ATRNL1: variants seen among roughly 807,000 people sequenced by gnomAD.
ATRNL1 encodes attractin like 1.
A neutral mutation model predicts 182.7 loss-of-function variants in ATRNL1; 95 were observed. That is an observed-to-expected ratio of 0.52 (90% CI 0.44 to 0.62). The LOEUF is 0.62. Among genes scored for constraint, ATRNL1 ranks in the 20% least tolerant of loss-of-function variants. ATRNL1 has a pLI of 0.00. For missense variants in ATRNL1, 1,471 were observed against 1,679.5 expected (o/e 0.88, Z 2.17); for synonymous variants, 576 against 568.3 (o/e 1.01, Z -0.19).
At chr10:115,530,272 T>A (rs1297265155) in intron 25 of ATRNL1, among the ~76,000 whole-genome samples, 1 of 152,160 alleles carries the variant, frequency 6.6e-6, no homozygotes, top group African/African-American at 2.4e-5. Flanking sequence ...ATGGTAACTC[T>A]AGGTTAAACA....
At chr10:115,485,087 A>G (rs1848957306) in intron 24 of ATRNL1, among the ~76,000 whole-genome samples, 1 of 151,844 alleles carries the variant, frequency 6.6e-6, no homozygotes, top group African/African-American at 2.4e-5. Context: ...AATAAGTGAT[A>G]TTGATAACTT....
intron 26 of ATRNL1, among the ~76,000 whole-genome samples, chr10:115,659,924 C>T (rs1339884820): frequency 1.3e-5 from 2 of 152,120 alleles, no homozygotes; most frequent in Admixed American, 6.6e-5. Flanking sequence ...AGAGATCGTT[C>T]TGGAGAATAT....
At chr10:115,357,395 C>T (rs1489292832) in intron 19 of ATRNL1, among the ~76,000 whole-genome samples, 1 of 151,862 alleles carries the variant, frequency 6.6e-6, no homozygotes, top group Non-Finnish European at 1.5e-5. Context: ...AATTTGGACA[C>T]ACACTTTTGC....
intron 22 of ATRNL1, among the ~76,000 whole-genome samples, chr10:115,464,371 A>G (rs1269402940): frequency 5.3e-5 from 8 of 151,926 alleles, no homozygotes; most frequent in Non-Finnish European, 1.0e-4. Flanking sequence ...GCTATCCATC[A>G]CTTCTAGCCA....
intron 19 of ATRNL1, among the ~76,000 whole-genome samples, chr10:115,386,919 G>GT (rs1858391688): frequency 6.7e-6 from 1 of 148,528 alleles, no homozygotes; most frequent in Non-Finnish European, 1.5e-5. Context: ...GCGGTGTTTG[G>GT]TTTTTTGTCC....
At chr10:115,261,901 A>C (rs1554908925) in intron 10 of ATRNL1, among the ~76,000 whole-genome samples, 1 of 152,060 alleles carries the variant, frequency 6.6e-6, no homozygotes, top group Non-Finnish European at 1.5e-5. Flanking sequence ...TAAGAAACTG[A>C]ATATTGCTCT....
At chr10:115,843,883 A>T (rs117709432) in intron 27 of ATRNL1, among the ~76,000 whole-genome samples, 1 of 152,222 alleles carries the variant, frequency 6.6e-6, no homozygotes, top group Non-Finnish European at 1.5e-5. Context: ...ACAAGCTCAG[A>T]AAATGGACTG....
At chr10:115,470,091 T>C (rs1349912723) in intron 24 of ATRNL1, among the ~76,000 whole-genome samples, 2 of 150,472 alleles carry the variant, frequency 1.3e-5, no homozygotes, top group Non-Finnish European at 3.0e-5. Flanking sequence ...GATTTTCAGA[T>C]CATCCCTTCC....
At chr10:115,187,774 C>T (rs1041279222) in intron 8 of ATRNL1, among the ~76,000 whole-genome samples, 5 of 149,756 alleles carry the variant, frequency 3.3e-5, no homozygotes, top group East Asian at 2.0e-4. Flanking sequence ...CTCCACTTCC[C>T]GGGTTCAAGT....
At chr10:115,613,074 C>A (rs1162245509) in intron 26 of ATRNL1, among the ~76,000 whole-genome samples, 1 of 152,216 alleles carries the variant, frequency 6.6e-6, no homozygotes, top group Non-Finnish European at 1.5e-5. Flanking sequence ...AAAATGGCCG[C>A]AACAAGTATG....
chr10:115,561,226 C>A (rs902390135), intron 26 of ATRNL1, among the ~76,000 whole-genome samples: 2 of 152,166 alleles, frequency 1.3e-5, no homozygotes, highest in African/African-American at 4.8e-5. Flanking sequence ...TGGGAGAACA[C>A]TTTTGCATAT....
In ATRNL1 at chr10:115,909,273, A is replaced by T. The variant is rs968708285; in HGVS notation, c.4019-35385A>T. The T allele has an allele frequency of 3.3e-5, 5 of 152,092 alleles. No individual in the cohort carries two copies. In the East Asian group the frequency reaches 9.6e-4, roughly 29 times the overall value. 9.4% of individuals were successfully genotyped at this position (152,092 alleles called of 1,614,324 possible). A position where few individuals can be genotyped will look rare whatever the true frequency, so the allele number is the denominator to read the frequency against. On this transcript the variant is annotated intron_variant, in intron 28 of 28. Transcript: ENST00000355044. The stretch of plus-strand genomic sequence containing the variant: ...GCAGCTGTGATATCCTCCTCCGCAT[A>T]TTCCTTAATCTCTGTATGCGTCAGT...
chr10:115,822,289 G>T lies in ATRNL1; in HGVS notation c.3904-25588G>T, dbSNP rs148932913. ...GGACACAGCTAAAGCAGTGTCTAGA[G>T]GGAAATTTATAGCACTAAATGCCCA... On this transcript the variant is annotated intron_variant, in intron 27 of 28. Coordinates refer to ENST00000355044, the MANE Select transcript of ATRNL1 (RefSeq NM_207303.4). Among the ~76,000 whole-genome samples, 1,122 of 152,238 alleles carry T rather than the reference G, an allele frequency of 7.4e-3. 16 individuals are homozygous for T. Among genetic ancestry groups the T allele is most frequent in the African/African-American group, 0.026 (1,062 of 41,532 alleles).
chr10:115,221,400 G>C (rs910044211), intron 9 of ATRNL1, among the ~76,000 whole-genome samples: 2 of 152,168 alleles, frequency 1.3e-5, no homozygotes, highest in South Asian at 4.1e-4. Flanking sequence ...TGGTTACATA[G>C]ATAGGGCACT....
intron 17 of ATRNL1, among the ~76,000 whole-genome samples, chr10:115,307,162 CTGT>C (rs782476023): frequency 6.0e-4 from 92 of 152,266 alleles, no homozygotes; most frequent in African/African-American, 2.1e-3. Flanking sequence ...TTTCTCTGTT[CTGT>C]TGTCATGTTC....
chr10:115,904,383 C>T (rs1952439998), intron 28 of ATRNL1, among the ~76,000 whole-genome samples: 2 of 152,188 alleles, frequency 1.3e-5, no homozygotes, highest in African/African-American at 4.8e-5. Flanking sequence ...TTGTTTTCCT[C>T]CTGCAGTGTG....
intron 27 of ATRNL1, among the ~76,000 whole-genome samples, chr10:115,808,728 T>C (rs1949978471): frequency 6.6e-6 from 1 of 152,204 alleles, no homozygotes; most frequent in South Asian, 2.1e-4. Flanking sequence ...TTCTATTGGG[T>C]ACCTTATGGT....
chr10:115,849,187 G>A (rs1950997497), intron 28 of ATRNL1, among the ~76,000 whole-genome samples: 1 of 152,148 alleles, frequency 6.6e-6, no homozygotes, highest in Admixed American at 6.6e-5. Flanking sequence ...ATTTATGGAT[G>A]TTTATTCAAA....
chr10:115,592,936 T>A (rs1430350975), intron 26 of ATRNL1, among the ~76,000 whole-genome samples: 2 of 152,166 alleles, frequency 1.3e-5, no homozygotes, highest in African/African-American at 4.8e-5. Flanking sequence ...TCTGTCTGTC[T>A]GTCTATCTGT....
Sources: allele counts gnomAD v4.1 joint callset (sites outside exome capture counted in the v4.1 genomes callset), GRCh38; gene constraint gnomAD v4.1.1; transcripts MANE v1.5; gene names NCBI Gene and HGNC (gene_info 2026-07-23, HGNC 2026-07-21).